Variants in SLC8A2 observed in about 807,000 individuals in gnomAD.
SLC8A2 encodes solute carrier family 8 member A2.
SLC8A2 carries 14 observed loss-of-function variants against 70.2 expected under a neutral mutation model. The observed-to-expected ratio is 0.20, with a 90% CI of 0.13 to 0.31. The LOEUF is 0.31. SLC8A2 is among the 10% of genes least tolerant of loss of function. The pLI is 1.00. For synonymous variants in SLC8A2, 575 were observed against 594.3 expected, an observed-to-expected ratio of 0.97 and a Z score of 0.47; for missense variants, 779 against 1,320.1, an observed-to-expected ratio of 0.59 and a Z score of 6.35.
In SLC8A2 at chr19:47,429,967, G is replaced by T. The variant is rs969019216; in HGVS notation, c.*122C>A. On this transcript the variant is annotated 3_prime_UTR_variant, in exon 10 of 10. Coordinates refer to ENST00000236877, the MANE Select transcript of SLC8A2 (RefSeq NM_015063.3). ...AAAGCCAGGGGAGGGGGCGGAGAAG[G>T]GAGGCCGAGTCCCAGGAGAGGAGGC... 1.0e-6 allele frequency: 1 copy of T among 982,884 alleles called. No individual in the cohort carries two copies. The highest frequency in any genetic ancestry group is 2.8e-5 in the Admixed American group (1 of 36,144). The allele number at this position is 982,884 out of a possible 1,614,324, so 60.9% of individuals were successfully genotyped here.
At chr19:47,441,273 G>T in intron 5 of SLC8A2, 64 bp downstream of exon 5, 2 of 1,578,262 alleles carry the variant, frequency 1.3e-6, no homozygotes, top group Non-Finnish European at 1.7e-6. Flanking sequence ...CTGCAATTGA[G>T]CCCCTGAAAG....
chr19:47,457,745 C>CTT (rs138621003), intron 2 of SLC8A2, 151 bp from the exon 3 acceptor site: 11 of 410,646 alleles, frequency 2.7e-5, no homozygotes, highest in South Asian at 9.0e-5. Flanking sequence ...CTTTCTGTTT[C>CTT]TTTTCTTTCT....
intron 8 of SLC8A2, among the ~76,000 whole-genome samples, chr19:47,435,230 T>G (rs1967011828): frequency 6.6e-6 from 1 of 151,882 alleles, no homozygotes. Context: ...AAAAAAGACA[T>G]GATAGGGTCA....
At chr19:47,439,603 C>CTTCCTTCCTTTCTTCCT (rs1555747516) in intron 6 of SLC8A2, among the ~76,000 whole-genome samples, 91 of 68,592 alleles carry the variant, frequency 1.3e-3, no homozygotes, top group African/African-American at 7.1e-3. Flanking sequence ...TCTCTTCTCC[C>CTTCCTTCCTTTCTTCCT]TCCTTCCTTC....
intron 2 of SLC8A2, among the ~76,000 whole-genome samples, chr19:47,461,855 A>G (rs1398757492): frequency 6.6e-6 from 1 of 152,172 alleles, no homozygotes; most frequent in African/African-American, 2.4e-5. Flanking sequence ...ATGTCTTTCT[A>G]GAGCACCCAC....
intron 3 of SLC8A2, among the ~76,000 whole-genome samples, chr19:47,456,574 G>C (rs903218068): frequency 7.6e-4 from 116 of 152,216 alleles, no homozygotes; most frequent in Non-Finnish European, 4.4e-4. Context: ...GCTGAGGCAC[G>C]AGAATCGCTT....
intron 3 of SLC8A2, among the ~76,000 whole-genome samples, chr19:47,453,103 T>A (rs1432624891): frequency 6.6e-6 from 1 of 152,166 alleles, no homozygotes; most frequent in South Asian, 2.1e-4. Context: ...TGTGTCAACA[T>A]CATAGGGGAT....
At chr19:47,433,671 A>G (rs2122612626) in intron 8 of SLC8A2, among the ~76,000 whole-genome samples, 1 of 149,080 alleles carries the variant, frequency 6.7e-6, no homozygotes, top group Admixed American at 6.7e-5. Flanking sequence ...TTTTTTTGAG[A>G]CAGAGCCTCC....
Position 47,447,835 on chromosome 19 carries a change from C to T in SLC8A2, c.1737G>A (p.Glu579=), listed in dbSNP as rs766412163. The change falls in exon 4 of 10, where the codon GAG becomes GAA. Residue 579 remains glutamate (E), a synonymous_variant. Transcript: ENST00000236877. This position sits in a 1 kb window ranked among gnomAD's most constrained non-coding sequence, Gnocchi z 5.1. ...GGVHYEDACG[E]LEFGDDETMK... The stretch of plus-strand genomic sequence containing the variant: ...TGGTCTCGTCGTCGCCAAACTCCAG[C>T]TCTCCGCACGCGTCCTCGTAGTGCA... The T allele has an allele frequency of 2.5e-6, 4 of 1,594,074 alleles. No individual in the cohort carries two copies. Among genetic ancestry groups the T allele is most frequent in the Admixed American group, 1.7e-5 (1 of 59,010 alleles).
intron 6 of SLC8A2, among the ~76,000 whole-genome samples, chr19:47,438,874 A>C (rs1967064283): frequency 6.6e-6 from 1 of 152,112 alleles, no homozygotes; most frequent in African/African-American, 2.4e-5. Context: ...CCCAACTCCC[A>C]ACTCTGACAC....
Position 47,456,840 on chromosome 19 carries a change from G to A in SLC8A2, c.1340+90C>T. 2.4e-6 allele frequency: 3 copies of A among 1,255,950 alleles called. 1 individual carries two copies. Among genetic ancestry groups the A allele is most frequent in the South Asian group, 3.0e-5 (2 of 65,720 alleles). The allele number at this position is 1,255,950 out of a possible 1,614,324, so 77.8% of individuals were successfully genotyped here. A position where few individuals can be genotyped will look rare whatever the true frequency, so the allele number is the denominator to read the frequency against. ...GAACCAATGAATCCTGCAGGAGTCA[G>A]TTGGGAGGCGAAGAGCCTGGAGGCC... On this transcript the variant is annotated intron_variant, in intron 3 of 9. Transcript: ENST00000236877.
In SLC8A2 at chr19:47,430,464, G is replaced by A. The variant is rs1166056193; in HGVS notation, c.2391C>T (p.Asp797=). 3.1e-6 allele frequency: 5 copies of A among 1,600,046 alleles called. No individual in the cohort carries two copies. The highest frequency in any genetic ancestry group is 1.7e-4 in the Middle Eastern group (1 of 5,812). The part of the protein sequence containing the change: ...VFVALGTSIP[D]TFASKVAALQ... ...GCGCCGCCACCTTGCTGGCGAACGTGTCTGCGAGGCAGAGACATACAGGTC... is the reference window on the plus strand; with the variant it reads ...GCGCCGCCACCTTGCTGGCGAACGTATCTGCGAGGCAGAGACATACAGGTC... The change falls in exon 10 of 10, where the codon GAC becomes GAT. Residue 797 remains aspartate (D), a splice_region_variant and synonymous_variant. Coordinates refer to ENST00000236877, the MANE Select transcript of SLC8A2 (RefSeq NM_015063.3). The surrounding 1 kb of genome is among the most constrained non-coding windows in gnomAD (Gnocchi z 5.9).
At chr19:47,445,003 G>A (rs554189423) in intron 4 of SLC8A2, among the ~76,000 whole-genome samples, 1 of 151,658 alleles carries the variant, frequency 6.6e-6, no homozygotes, top group South Asian at 2.1e-4. Context: ...TGTCTTTATC[G>A]CGTCTCCATC....
At chr19:47,464,947 G>A (rs1003444947) in intron 2 of SLC8A2, among the ~76,000 whole-genome samples, 12 of 152,222 alleles carry the variant, frequency 7.9e-5, no homozygotes, top group African/African-American at 2.9e-4. Flanking sequence ...AAATTATGCA[G>A]CTGTGGGTCT....
Position 47,468,107 on chromosome 19 carries a change from G to A in SLC8A2, c.-16-1688C>T, listed in dbSNP as rs1323484270. ...CTCCCATCTCACTCACAGCACCAGC[G>A]TCCTCTCCAGGGCCCGTGAGGTCCT... On this transcript the variant is annotated intron_variant, in intron 1 of 9. Coordinates refer to ENST00000236877, the MANE Select transcript of SLC8A2 (RefSeq NM_015063.3). This position sits in a 1 kb window ranked among gnomAD's most constrained non-coding sequence, Gnocchi z 5.1. Among the ~76,000 whole-genome samples the A allele has an allele frequency of 1.3e-5, 2 of 150,624 alleles. No homozygotes were observed. The highest frequency in any genetic ancestry group is 2.0e-4 in the East Asian group (1 of 5,112).
Position 47,457,599 on chromosome 19 carries a change from G to A in SLC8A2, c.676-5C>T. 6.5e-7 allele frequency: 1 copy of A among 1,534,968 alleles called. No individual in the cohort carries two copies. Among genetic ancestry groups the A allele is most frequent in the Non-Finnish European group, 8.8e-7 (1 of 1,141,850 alleles). ...GGTCAGCAGCGCCTCCCACACCTGCGGGCGGCGGGCGTCAGGGCGAGGCCG... is the reference window on the plus strand; with the variant it reads ...GGTCAGCAGCGCCTCCCACACCTGCAGGCGGCGGGCGTCAGGGCGAGGCCG... On this transcript the variant is annotated splice_region_variant and splice_polypyrimidine_tract_variant and intron_variant, in intron 2 of 9. Transcript: ENST00000236877.
chr19:47,434,486 C>T (rs1190377878), intron 8 of SLC8A2, among the ~76,000 whole-genome samples: 1 of 152,164 alleles, frequency 6.6e-6, no homozygotes, highest in Non-Finnish European at 1.5e-5. Flanking sequence ...AATAATTGGA[C>T]CTGCTTCATG....
intron 3 of SLC8A2, 44 bp downstream of exon 3, chr19:47,456,886 G>A (rs375093682): frequency 6.6e-7 from 1 of 1,517,876 alleles, no homozygotes. Context: ...GGGACCCACG[G>A]CCTGCGCCAG....
At chr19:47,464,592 C>T (rs1568447860) in intron 2 of SLC8A2, among the ~76,000 whole-genome samples, 1 of 152,206 alleles carries the variant, frequency 6.6e-6, no homozygotes, top group African/African-American at 2.4e-5. Context: ...CTCACTGTGG[C>T]TTCTGATCCC....
Sources: gnomAD v4.1 joint callset for allele counts (sites outside exome capture counted in the v4.1 genomes callset) on GRCh38, gnomAD v4.1.1 for gene constraint, Gnocchi (gnomAD v3.1) non-coding constraint, MANE v1.5 for transcripts, NCBI Gene and HGNC (gene_info 2026-07-23, HGNC 2026-07-21) for gene names.